The following BRAF variants were observed in gnomAD, a reference collection of about 807,000 sequenced individuals.
BRAF encodes serine/threonine-protein kinase B-raf.
In BRAF, 16 loss-of-function variants were observed where a neutral mutation model predicts 104.6. The observed-to-expected ratio is 0.15, with a 90% CI of 0.10 to 0.23. The LOEUF is 0.23. Ranked by LOEUF, BRAF falls within the 10% of genes least tolerant of loss-of-function variation. The probability of loss-of-function intolerance (pLI) is 1.00; values close to 1 mark genes in which losing one functional copy is unlikely to be tolerated. For missense variants in BRAF, 541 were observed against 937.3 expected (o/e 0.58, Z 5.52); for synonymous variants, 310 against 341.6 (o/e 0.91, Z 1.02).
intron 17 of BRAF, among the ~76,000 whole-genome samples, chr7:140,744,826 T>A (rs1388963221): frequency 2.6e-5 from 4 of 152,226 alleles, no homozygotes; most frequent in African/African-American, 9.6e-5. Context: ...TCAAAACTTA[T>A]ATGCTACTTT....
chr7:140,763,038 T>C (rs1163742235), intron 14 of BRAF, among the ~76,000 whole-genome samples: 3 of 152,252 alleles, frequency 2.0e-5, no homozygotes, highest in African/African-American at 4.8e-5. Context: ...CCATCCGATT[T>C]CTCAATCTTT....
intron 19 of BRAF, among the ~76,000 whole-genome samples, chr7:140,728,523 G>A (rs919492033): frequency 1.3e-5 from 2 of 150,178 alleles, no homozygotes; most frequent in Admixed American, 1.4e-4. Context: ...TTAAAGTTAA[G>A]AGGATTGGGG....
chr7:140,738,528 G>C (rs1316995233), intron 18 of BRAF, among the ~76,000 whole-genome samples: 1 of 152,094 alleles, frequency 6.6e-6, no homozygotes, highest in East Asian at 1.9e-4. Flanking sequence ...AGTGCTATCA[G>C]GAGCTCCCTA....
At chr7:140,860,254 A>G (rs187301321) in intron 1 of BRAF, among the ~76,000 whole-genome samples, 1 of 152,294 alleles carries the variant, frequency 6.6e-6, no homozygotes, top group Admixed American at 6.5e-5. Context: ...GTAAGTGGCC[A>G]TCCTTTTGGA....
intron 17 of BRAF, chr7:140,741,143 A>C (rs1796883285): frequency 6.6e-6 from 1 of 152,220 alleles, no homozygotes; most frequent in African/African-American, 2.4e-5. Flanking sequence ...AGGTATTCTT[A>C]CTTGGCTATC....
chr7:140,896,179 T>A (rs1004623509), intron 1 of BRAF, among the ~76,000 whole-genome samples: 2 of 152,128 alleles, frequency 1.3e-5, no homozygotes, highest in Non-Finnish European at 2.9e-5. Context: ...TGGGGCCAGA[T>A]GATACCACAC....
intron 1 of BRAF, among the ~76,000 whole-genome samples, chr7:140,876,624 C>T (rs1379949781): frequency 6.6e-6 from 1 of 152,088 alleles, no homozygotes; most frequent in Non-Finnish European, 1.5e-5. Flanking sequence ...AATATATATG[C>T]ACCTAATAAT....
At position 140,798,262 on chromosome 7, in the gene BRAF, C is replaced by CTTTCTTTTTCTT. The variant is rs1554402846; in HGVS notation, c.980+2099_980+2100insAAGAAAAAGAAA. On this transcript the variant is annotated intron_variant, in intron 7 of 19. Transcript: ENST00000644969. ...TCTAGGACAGAATGCTGTATGGGGA[C>CTTTCTTTTTCTT]TTTTTTTTTCTTTTTTTTGAGACGG... Among the ~76,000 whole-genome samples, 7 of 32,610 alleles carry CTTTCTTTTTCTT rather than the reference C, an allele frequency of 2.1e-4. No homozygotes were observed. In the East Asian group the frequency reaches 5.1e-3, roughly 24 times the overall value. The allele number at this position is 32,610 out of a possible 152,430, so 21.4% of individuals were successfully genotyped here.
At chr7:140,870,136 G>A (rs1811417305) in intron 1 of BRAF, among the ~76,000 whole-genome samples, 1 of 152,058 alleles carries the variant, frequency 6.6e-6, no homozygotes, top group Non-Finnish European at 1.5e-5. Context: ...TTGTCATGAG[G>A]GTGCAGGAGA....
At chr7:140,761,032 C>G (rs917015945) in intron 14 of BRAF, among the ~76,000 whole-genome samples, 14 of 152,150 alleles carry the variant, frequency 9.2e-5, no homozygotes, top group Non-Finnish European at 1.8e-4. Context: ...TCACGAAATA[C>G]AGAGAACGCC....
intron 3 of BRAF, among the ~76,000 whole-genome samples, chr7:140,832,875 CTT>C (rs543780550): frequency 2.0e-4 from 27 of 137,946 alleles, no homozygotes; most frequent in East Asian, 2.1e-4. Flanking sequence ...CTAGTTAAAC[CTT>C]TTTTTTTTTT....
chr7:140,836,094 G>T (rs1221398314), intron 2 of BRAF: 3 of 152,124 alleles, frequency 2.0e-5, no homozygotes, highest in Non-Finnish European at 4.4e-5. Flanking sequence ...GAAAAATTCT[G>T]TAACAAAGAG....
rs1431556127 is a variant in BRAF at position 140,753,338 on chromosome 7, T to C, written c.1917A>G (p.Thr639=). The C allele has an allele frequency of 2.5e-6, 4 of 1,612,872 alleles. No individual in the cohort carries two copies. The highest frequency in any genetic ancestry group is 4.5e-5 in the East Asian group (2 of 44,816). The change falls in exon 16 of 20, where the codon ACA becomes ACG. Residue 639 remains threonine, a synonymous_variant. Coordinates refer to ENST00000644969, the MANE Select transcript of BRAF (RefSeq NM_001374258.1). ...TVKIGDFGLA[T]VKSRWSGSHQ... is the part of the protein sequence containing the mutation. ...GGGACCCACTCCATCGAGATTTCAC[T>C]GTAGCTAGACCAAAATCACCTATTT...
chr7:140,805,261 C>T (rs1318844688), intron 5 of BRAF, among the ~76,000 whole-genome samples: 1 of 151,894 alleles, frequency 6.6e-6, no homozygotes, highest in Non-Finnish European at 1.5e-5. Flanking sequence ...ACCTTTTTTC[C>T]TATGTATCAC....
At chr7:140,790,469 A>C (rs1013738027) in intron 8 of BRAF, among the ~76,000 whole-genome samples, 12 of 152,190 alleles carry the variant, frequency 7.9e-5, no homozygotes, top group African/African-American at 2.7e-4. Context: ...AAAAGCCATC[A>C]AACAACTTTT....
At position 140,795,888 on chromosome 7, in the gene BRAF, A is replaced by T. The variant is rs181497479; in HGVS notation, c.981-1421T>A. Among the ~76,000 whole-genome samples, 3 of 152,294 alleles carry T rather than the reference A, an allele frequency of 2.0e-5. No homozygotes were observed. The East Asian group carries it at 5.8e-4, about 29-fold the overall frequency. ...CTTTTTATTTTTTCTGATTATTGAGAAACTTTTGGTTTCTGACAGAGCTGT... is the reference window on the plus strand; with the variant it reads ...CTTTTTATTTTTTCTGATTATTGAGTAACTTTTGGTTTCTGACAGAGCTGT... On this transcript the variant is annotated intron_variant, in intron 7 of 19. Coordinates refer to ENST00000644969, the MANE Select transcript of BRAF (RefSeq NM_001374258.1).
intron 1 of BRAF, among the ~76,000 whole-genome samples, chr7:140,863,713 T>C (rs970077326): frequency 1.3e-5 from 2 of 152,128 alleles, no homozygotes; most frequent in Non-Finnish European, 2.9e-5. Context: ...AAAGATCTGA[T>C]TGTTTACAAG....
chr7:140,884,419 T>C (rs1423627359), intron 1 of BRAF, among the ~76,000 whole-genome samples: 1 of 142,962 alleles, frequency 7.0e-6, no homozygotes, highest in Non-Finnish European at 1.5e-5. Context: ...CTCTTATATA[T>C]ATATAAGATA....
chr7:140,882,234 A>G (rs1393923431), intron 1 of BRAF, among the ~76,000 whole-genome samples: 2 of 152,256 alleles, frequency 1.3e-5, no homozygotes, highest in Non-Finnish European at 2.9e-5. Context: ...AAAAACCACA[A>G]TTACTTTTGC....
Sources: gnomAD v4.1 joint callset for allele counts (sites outside exome capture counted in the v4.1 genomes callset) on GRCh38, gnomAD v4.1.1 for gene constraint, MANE v1.5 for transcripts, NCBI Gene and HGNC (gene_info 2026-07-23, HGNC 2026-07-21) for gene names.